Variants in NBEA observed in about 807,000 individuals in gnomAD.
The protein encoded by NBEA is neurobeachin.
Under a neutral mutation model 343.4 loss-of-function variants are expected in NBEA, and 44 were observed. The observed-to-expected ratio is 0.13, with a 90% CI of 0.10 to 0.16. NBEA has a LOEUF of 0.16. NBEA is among the 10% of genes least tolerant of loss of function. The pLI, the probability that NBEA is intolerant of heterozygous loss-of-function variation, is 1.00. For synonymous variants in NBEA, 1,175 were observed against 1,238.7 expected (o/e 0.95, Z 1.08); for missense variants, 2,555 against 3,631.3 (o/e 0.70, Z 7.62).
At chr13:35,225,345 C>G (rs1226661445) in intron 33 of NBEA, among the ~76,000 whole-genome samples, 1 of 152,108 alleles carries the variant, frequency 6.6e-6, no homozygotes, top group Non-Finnish European at 1.5e-5. Context: ...ATGTTCCTTT[C>G]CTCCAGCTGC....
At chr13:35,417,897 T>G (rs939480194) in intron 38 of NBEA, among the ~76,000 whole-genome samples, 5 of 152,190 alleles carry the variant, frequency 3.3e-5, no homozygotes, top group African/African-American at 1.2e-4. Flanking sequence ...TCTAAGGACT[T>G]GCTTTATGAA....
intron 1 of NBEA, among the ~76,000 whole-genome samples, chr13:35,022,072 T>G (rs2061863208): frequency 6.6e-6 from 1 of 152,096 alleles, no homozygotes; most frequent in Non-Finnish European, 1.5e-5. Flanking sequence ...ATGAAATAGA[T>G]TAGGATTTTT....
chr13:35,612,739 T>G (rs1428655423), intron 48 of NBEA, among the ~76,000 whole-genome samples: 1 of 152,148 alleles, frequency 6.6e-6, no homozygotes, highest in Non-Finnish European at 1.5e-5. Flanking sequence ...GAGAAACCTT[T>G]AAATAATTAA....
intron 1 of NBEA, among the ~76,000 whole-genome samples, chr13:34,973,670 T>C (rs1283219840): frequency 6.6e-6 from 1 of 152,050 alleles, no homozygotes; most frequent in African/African-American, 2.4e-5. Context: ...ACAGCAAAGA[T>C]GGTGGCCTCT....
intron 36 of NBEA, among the ~76,000 whole-genome samples, chr13:35,337,876 A>G (rs926581142): frequency 6.6e-6 from 1 of 152,074 alleles, no homozygotes; most frequent in Non-Finnish European, 1.5e-5. Flanking sequence ...TAAATAACCA[A>G]TGGGTTAAAG....
intron 36 of NBEA, among the ~76,000 whole-genome samples, chr13:35,347,704 C>G (rs1199275513): frequency 6.6e-6 from 1 of 152,014 alleles, no homozygotes; most frequent in African/African-American, 2.4e-5. Flanking sequence ...CCTCCATCTC[C>G]TCCATGATCA....
At chr13:35,579,962 A>C (rs1458762281) in intron 45 of NBEA, among the ~76,000 whole-genome samples, 2 of 152,090 alleles carry the variant, frequency 1.3e-5, no homozygotes, top group African/African-American at 4.8e-5. Flanking sequence ...AATGCTACAC[A>C]TGTAATTTCC....
At chr13:35,056,813 G>A (rs2063283534) in intron 7 of NBEA, among the ~76,000 whole-genome samples, 1 of 152,080 alleles carries the variant, frequency 6.6e-6, no homozygotes, top group South Asian at 2.1e-4. Flanking sequence ...AAAAATCCTT[G>A]GAAGGTTTTC....
intron 41 of NBEA, among the ~76,000 whole-genome samples, chr13:35,535,742 C>G (rs1360430867): frequency 6.6e-6 from 1 of 152,130 alleles, no homozygotes; most frequent in East Asian, 1.9e-4. Flanking sequence ...TGAAGTTATA[C>G]AAACTTTAGA....
chr13:35,436,493 G>A (rs1449858323), intron 39 of NBEA, among the ~76,000 whole-genome samples: 2 of 152,038 alleles, frequency 1.3e-5, no homozygotes, highest in East Asian at 1.9e-4. Flanking sequence ...GGTGGATCAC[G>A]AGGTCAGGAG....
intron 36 of NBEA, among the ~76,000 whole-genome samples, chr13:35,338,821 G>A (rs1483691456): frequency 6.6e-6 from 1 of 152,010 alleles, no homozygotes; most frequent in Non-Finnish European, 1.5e-5. Flanking sequence ...ATTTATTCCA[G>A]GAATTTATAG....
At chr13:35,049,720 TA>T (rs536619031) in intron 5 of NBEA, among the ~76,000 whole-genome samples, 29 of 151,854 alleles carry the variant, frequency 1.9e-4, no homozygotes, top group Non-Finnish European at 3.8e-4. Context: ...AATTTACAGC[TA>T]AGGGAAATGC....
intron 17 of NBEA, among the ~76,000 whole-genome samples, chr13:35,132,091 A>G (rs1451294961): frequency 1.3e-5 from 2 of 152,156 alleles, no homozygotes; most frequent in African/African-American, 2.4e-5. Context: ...ATACTTAGGA[A>G]TGTATCCAAA....
intron 1 of NBEA, among the ~76,000 whole-genome samples, chr13:34,988,003 G>A (rs1167334107): frequency 4.0e-5 from 6 of 151,036 alleles, no homozygotes; most frequent in South Asian, 2.1e-4. Flanking sequence ...CTGTCAGCTC[G>A]TCAAAGTCAT....
intron 39 of NBEA, among the ~76,000 whole-genome samples, chr13:35,446,621 A>C (rs116188809): frequency 6.3e-4 from 96 of 152,306 alleles, no homozygotes; most frequent in African/African-American, 2.3e-3. Context: ...GCATGTATGC[A>C]GACAAAAACA....
chr13:35,538,278 T>C (rs1175846113), intron 41 of NBEA, among the ~76,000 whole-genome samples: 2 of 152,228 alleles, frequency 1.3e-5, no homozygotes, highest in Non-Finnish European at 2.9e-5. Flanking sequence ...CTGAGGGTAA[T>C]TGTATACAAT....
intron 34 of NBEA, among the ~76,000 whole-genome samples, chr13:35,267,486 A>G (rs191447022): frequency 2.4e-4 from 37 of 152,156 alleles, no homozygotes; most frequent in Admixed American, 2.3e-3. Context: ...CAGAAAACAA[A>G]AGCAAAACTA....
intron 41 of NBEA, among the ~76,000 whole-genome samples, chr13:35,490,581 C>T (rs1018195429): frequency 1.3e-5 from 2 of 151,932 alleles, no homozygotes; most frequent in African/African-American, 4.8e-5. Context: ...GTCAGCTAAA[C>T]ACTCGAAAAC....
chr13:35,292,318 C>G (rs1566575979), intron 35 of NBEA, among the ~76,000 whole-genome samples: 1 of 151,936 alleles, frequency 6.6e-6, no homozygotes, highest in Non-Finnish European at 1.5e-5. Flanking sequence ...TTCTATACTA[C>G]TTAAATTTGA....
Sources: gnomAD v4.1 joint callset for allele counts (sites outside exome capture counted in the v4.1 genomes callset) on GRCh38, gnomAD v4.1.1 for gene constraint, MANE v1.5 for transcripts, NCBI Gene and HGNC (gene_info 2026-07-23, HGNC 2026-07-21) for gene names.